PREX2: variants seen among roughly 807,000 people sequenced by gnomAD.
PREX2 encodes the protein phosphatidylinositol 3,4,5-trisphosphate-dependent Rac exchanger 2 protein.
In PREX2, 107 loss-of-function variants were observed where a neutral mutation model predicts 203.2. The ratio of observed to expected loss-of-function variants is 0.53; its 90% CI spans 0.45 to 0.62. PREX2 has a LOEUF of 0.62. Among genes scored for constraint, PREX2 ranks in the 20% least tolerant of loss-of-function variants. PREX2 has a pLI of 0.00. For synonymous variants in PREX2, 672 were observed against 663.6 expected, an observed-to-expected ratio of 1.01 and a Z score of -0.19; for missense variants, 1,777 against 1,955.9, an observed-to-expected ratio of 0.91 and a Z score of 1.72.
chr8:68,090,472 C>T, intron 19 of PREX2, 107 bp from the exon 20 acceptor site: 1 of 971,886 alleles, frequency 1.0e-6, no homozygotes, highest in African/African-American at 1.6e-5. Context: ...ATTATACTAG[C>T]TAGACTTTGA....
At chr8:68,083,863 C>CTATTAACTA (rs1809604304) in intron 18 of PREX2, among the ~76,000 whole-genome samples, 1 of 152,068 alleles carries the variant, frequency 6.6e-6, no homozygotes, top group Non-Finnish European at 1.5e-5. Flanking sequence ...TTAAAAAATT[C>CTATTAACTA]TATTAACTAT....
rs542459736 is a variant in PREX2, at chr8:68,024,226, A to G, written c.441+2086A>G. On this transcript the variant is annotated intron_variant, in intron 4 of 39. Transcript: ENST00000288368. ...ATTACATGCATTGACAATGCTATGA[A>G]TTACTATTCATATTATTCATATTGT... Among the ~76,000 whole-genome samples, 7 of 152,206 alleles carry G rather than the reference A, an allele frequency of 4.6e-5. No individual in the cohort carries two copies. In the South Asian group the frequency reaches 1.4e-3, roughly 31 times the overall value.
chr8:68,120,835 A>C (rs1180570611), intron 29 of PREX2, 86 bp from the exon 30 acceptor site: 1 of 1,141,376 alleles, frequency 8.8e-7, no homozygotes, highest in Non-Finnish European at 1.2e-6. Flanking sequence ...CTAGGACAAC[A>C]GTGACAGAAG....
At chr8:68,192,660 G>T (rs1812321329) in intron 37 of PREX2, 135 bp downstream of exon 37, 1 of 644,748 alleles carries the variant, frequency 1.6e-6, no homozygotes, top group East Asian at 3.0e-5. Context: ...TAAGATTTTG[G>T]ACGTTTTCTG....
chr8:68,161,961 A>T (rs1369595563), intron 35 of PREX2, among the ~76,000 whole-genome samples: 1 of 152,212 alleles, frequency 6.6e-6, no homozygotes, highest in Admixed American at 6.5e-5. Context: ...AGCAAGTCAC[A>T]TCTTACATGG....
intron 8 of PREX2, among the ~76,000 whole-genome samples, chr8:68,049,077 A>G (rs574794283): frequency 1.5e-3 from 229 of 150,596 alleles, no homozygotes; most frequent in African/African-American, 5.4e-3. Context: ...CAAGGGATGA[A>G]CTACTTTTTA....
chr8:68,044,422 T>C, intron 7 of PREX2, 65 bp from the exon 8 acceptor site: 2 of 1,155,330 alleles, frequency 1.7e-6, no homozygotes, highest in South Asian at 2.6e-5. Context: ...GCCTAAAATA[T>C]ATTGTTTTGA....
chr8:68,130,586 C>G (rs1810988005), intron 31 of PREX2, among the ~76,000 whole-genome samples: 1 of 152,140 alleles, frequency 6.6e-6, no homozygotes, highest in Non-Finnish European at 1.5e-5. Context: ...TACTTTTTAT[C>G]TCATTTATCT....
At chr8:68,152,760 G>A (rs1811468101) in intron 34 of PREX2, among the ~76,000 whole-genome samples, 1 of 152,210 alleles carries the variant, frequency 6.6e-6, no homozygotes, top group African/African-American at 2.4e-5. Flanking sequence ...TCCTGGCAGA[G>A]CTTCTAGCAG....
At chr8:68,218,858 A>G (rs1443430470) in intron 38 of PREX2, among the ~76,000 whole-genome samples, 2 of 152,198 alleles carry the variant, frequency 1.3e-5, no homozygotes, top group African/African-American at 4.8e-5. Context: ...GAGATTTGTT[A>G]AGTAAAGTTT....
intron 33 of PREX2, among the ~76,000 whole-genome samples, chr8:68,141,487 A>G (rs1254024655): frequency 1.3e-5 from 2 of 152,240 alleles, no homozygotes; most frequent in Non-Finnish European, 2.9e-5. Flanking sequence ...TCAACAATCA[A>G]TAAGAAATCA....
chr8:68,165,731 A>G (rs1563572099), intron 35 of PREX2, among the ~76,000 whole-genome samples: 1 of 152,094 alleles, frequency 6.6e-6, no homozygotes, highest in Non-Finnish European at 1.5e-5. Flanking sequence ...TTCCAAAACC[A>G]GCTTTTTCTT....
At chr8:68,194,085 AG>A (rs1289714646) in intron 37 of PREX2, among the ~76,000 whole-genome samples, 1 of 152,194 alleles carries the variant, frequency 6.6e-6, no homozygotes, top group Non-Finnish European at 1.5e-5. Flanking sequence ...AAGCTTTGAA[AG>A]TTTTTTTGCT....
At position 68,187,110 on chromosome 8, in the gene PREX2, C is replaced by A. The variant is rs1474137099; in HGVS notation, c.4347-4612C>A. ...ACCAGCTGTTTCTGTAGCAATGCTT[C>A]CCTTAGGTGGTACTGATGAGCTATG... On this transcript the variant is annotated intron_variant, in intron 35 of 39. Transcript: ENST00000288368. Among the ~76,000 whole-genome samples the A allele has an allele frequency of 7.2e-3, 1,087 of 151,884 alleles. 11 individuals carry two copies. Among genetic ancestry groups the A allele is most frequent in the African/African-American group, 0.024 (983 of 41,382 alleles).
At chr8:68,132,270 T>C (rs1362264576) in intron 31 of PREX2, among the ~76,000 whole-genome samples, 1 of 152,038 alleles carries the variant, frequency 6.6e-6, no homozygotes, top group Admixed American at 6.6e-5. Flanking sequence ...TGTTTAGTTT[T>C]TTTTCTTGAG....
intron 37 of PREX2, among the ~76,000 whole-genome samples, chr8:68,199,773 T>C (rs1290669898): frequency 2.0e-5 from 3 of 152,228 alleles, no homozygotes; most frequent in Admixed American, 2.0e-4. Context: ...TGTAATACTT[T>C]ACTCTGTCAT....
At chr8:68,089,101 C>A (rs769440252) in intron 19 of PREX2, among the ~76,000 whole-genome samples, 1 of 152,182 alleles carries the variant, frequency 6.6e-6, no homozygotes, top group Non-Finnish European at 1.5e-5. Flanking sequence ...ACTGCAGTCA[C>A]GCTTGCCAGC....
intron 9 of PREX2, among the ~76,000 whole-genome samples, chr8:68,054,125 A>G (rs1434773): frequency 0.57 from 87,324 of 152,068 alleles, 26,561 homozygotes; most frequent in African/African-American, 0.78. Flanking sequence ...AATATGCAAC[A>G]TTGCTACCTT....
intron 1 of PREX2, among the ~76,000 whole-genome samples, chr8:67,975,525 A>G (rs1341323504): frequency 1.3e-5 from 2 of 151,824 alleles, no homozygotes; most frequent in East Asian, 3.9e-4. Context: ...ATGTAGTAAT[A>G]TCTTAATACA....
Sources: allele counts gnomAD v4.1 joint callset (sites outside exome capture counted in the v4.1 genomes callset), GRCh38; gene constraint gnomAD v4.1.1; transcripts MANE v1.5; gene names NCBI Gene and HGNC (gene_info 2026-07-23, HGNC 2026-07-21).